PCGF3: variants seen among roughly 807,000 people sequenced by gnomAD.
PCGF3 encodes the protein polycomb group ring finger 3, also known as polycomb group RING finger protein 3.
In PCGF3, 7 loss-of-function variants were observed where a neutral mutation model predicts 33.1. The ratio of observed to expected loss-of-function variants is 0.21; its 90% CI spans 0.12 to 0.40. The LOEUF (loss-of-function observed/expected upper bound fraction) is 0.40, where lower values mean the gene tolerates loss of function less well. PCGF3 is among the 10% of genes least tolerant of loss of function. The pLI, the probability that PCGF3 is intolerant of heterozygous loss-of-function variation, is 1.00. For synonymous variants in PCGF3, 153 were observed against 121.3 expected (o/e 1.26, Z -1.72); for missense variants, 211 against 313.3 (o/e 0.67, Z 2.46).
At chr4:761,557 C>T (rs1454942451) in intron 9 of PCGF3, 141 bp downstream of exon 9, 11 of 1,377,110 alleles carry the variant, frequency 8.0e-6, no homozygotes, top group Non-Finnish European at 1.1e-5. Context: ...TTGCCTGCTT[C>T]ACCGGGGAGC....
At chr4:719,531 G>A (rs939806310) in intron 1 of PCGF3, among the ~76,000 whole-genome samples, 5 of 152,240 alleles carry the variant, frequency 3.3e-5, no homozygotes, top group African/African-American at 1.2e-4. Flanking sequence ...TCCTCCGCGC[G>A]GGTTGGCGAG....
At chr4:722,733 C>T (rs71604311) in intron 1 of PCGF3, among the ~76,000 whole-genome samples, 5,197 of 36,780 alleles carry the variant, frequency 0.14, 1,775 homozygotes, top group African/African-American at 0.27. Context: ...TCATCGCCCA[C>T]CCACGCCGGG....
chr4:712,510 C>T (rs963720545), intron 1 of PCGF3, among the ~76,000 whole-genome samples: 6 of 152,188 alleles, frequency 3.9e-5, no homozygotes, highest in African/African-American at 7.2e-5. Flanking sequence ...TGCAGTGGCG[C>T]GATCTCGGCT....
rs762066468 is a variant in PCGF3 at position 734,905 on chromosome 4, C to G, written c.110-26C>G. ...GGGCGCCCTGGCTCTAGACGCTCTC[C>G]TAACACACCTGTGCTTTGATGACAG... On this transcript the variant is annotated intron_variant, in intron 4 of 10. Transcript: ENST00000362003. 53 of 1,609,660 alleles carry G rather than the reference C, an allele frequency of 3.3e-5. No individual in the cohort carries two copies. The African/African-American group carries it at 6.7e-4, about 20-fold the overall frequency.
At chr4:762,643 C>T (rs1745125305) in intron 9 of PCGF3, 1 of 152,264 alleles carries the variant, frequency 6.6e-6, no homozygotes, top group Non-Finnish European at 1.5e-5. Context: ...GTCCCAGCTC[C>T]CAGAACTGTG....
chr4:709,720 G>A (rs965018253), intron 1 of PCGF3, among the ~76,000 whole-genome samples: 9 of 152,178 alleles, frequency 5.9e-5, no homozygotes, highest in African/African-American at 1.9e-4. Flanking sequence ...TGGATGGTTC[G>A]GGATTTCATC....
At chr4:734,137 C>T (rs1743736861) in intron 4 of PCGF3, 2 of 1,550,492 alleles carry the variant, frequency 1.3e-6, no homozygotes, top group African/African-American at 1.4e-5. Flanking sequence ...AAAGGGGAAC[C>T]TTCCAGTGTG....
At chr4:733,689 C>T (rs1207191666) in exon 4 of PCGF3, 1 of 1,604,756 alleles carries the variant, frequency 6.2e-7, no homozygotes, top group African/African-American at 1.3e-5. Flanking sequence ...AGATGTTGAC[C>T]AGGAAGATCA....
chr4:732,421 A>G (rs985746327), intron 3 of PCGF3: 2 of 144,794 alleles, frequency 1.4e-5, no homozygotes, highest in East Asian at 2.2e-4. Flanking sequence ...CTCAGTATGC[A>G]TCAGGTCTCC....
intron 1 of PCGF3, among the ~76,000 whole-genome samples, chr4:706,465 A>AAAGACCCCAGAACAGGGAGGGCC (rs1435607571): frequency 8.0e-6 from 1 of 124,762 alleles, no homozygotes; most frequent in Non-Finnish European, 1.6e-5. Context: ...CAGGGAGGGC[A>AAAGACCCCAGAACAGGGAGGGCC]AAGACCCCAG....
chr4:767,796 C>A (rs188071577), exon 11 of PCGF3: 1 of 152,640 alleles, frequency 6.6e-6, no homozygotes, highest in Admixed American at 6.5e-5. Context: ...TCATCCAAAT[C>A]ATTTTCTAGA....
At chr4:766,118 C>T (rs1745359763) in exon 11 of PCGF3, 5 of 1,591,850 alleles carry the variant, frequency 3.1e-6, no homozygotes, top group Non-Finnish European at 3.4e-6. Flanking sequence ...GCCCTCGCAC[C>T]CTTGGGTGCT....
exon 11 of PCGF3, chr4:768,921 C>T (rs185266110): frequency 2.0e-5 from 3 of 152,614 alleles, no homozygotes; most frequent in Non-Finnish European, 2.9e-5. Flanking sequence ...ATTTATTAGA[C>T]ATCTGTTTAA....
At chr4:735,077 G>T in intron 5 of PCGF3, 50 bp downstream of exon 5, 1 of 1,575,098 alleles carries the variant, frequency 6.3e-7, no homozygotes, top group Non-Finnish European at 8.6e-7. Flanking sequence ...GTGCCCCTGG[G>T]CGTCTCTGTG....
At chr4:741,301 C>T (rs1005650851) in intron 6 of PCGF3, among the ~76,000 whole-genome samples, 7 of 152,228 alleles carry the variant, frequency 4.6e-5, no homozygotes, top group African/African-American at 7.2e-5. Context: ...AATAAGCTTC[C>T]AATTGGCTGA....
At chr4:722,941 A>G (rs1354591022) in intron 1 of PCGF3, among the ~76,000 whole-genome samples, 4 of 90,646 alleles carry the variant, frequency 4.4e-5, no homozygotes, top group Non-Finnish European at 8.5e-5. Flanking sequence ...CCGGGTCCAC[A>G]CTCGCGACAT....
intron 1 of PCGF3, among the ~76,000 whole-genome samples, chr4:718,586 T>A (rs1194583136): frequency 6.6e-6 from 1 of 152,220 alleles, no homozygotes; most frequent in Non-Finnish European, 1.5e-5. Flanking sequence ...TCCGTGTGAG[T>A]GCTGTGCTCT....
chr4:741,280 G>T (rs1744078447), intron 6 of PCGF3, among the ~76,000 whole-genome samples: 1 of 152,216 alleles, frequency 6.6e-6, no homozygotes, highest in South Asian at 2.1e-4. Flanking sequence ...TGAAGATATG[G>T]CTGTAGTCAG....
chr4:764,727 A>C, intron 9 of PCGF3: 2 of 393,586 alleles, frequency 5.1e-6, no homozygotes, highest in Non-Finnish European at 9.3e-6. Context: ...TCATCCCCCT[A>C]ACTGGCACGG....
Sources: gnomAD v4.1 joint callset for allele counts (sites outside exome capture counted in the v4.1 genomes callset) on GRCh38, gnomAD v4.1.1 for gene constraint, MANE v1.5 for transcripts, NCBI Gene and HGNC (gene_info 2026-07-23, HGNC 2026-07-21) for gene names.